The following WDFY3 variants were observed in gnomAD, a reference collection of about 807,000 sequenced individuals.
WDFY3 encodes the protein WD repeat and FYVE domain containing 3, also known as WD repeat and FYVE domain-containing protein 3.
Under a neutral mutation model 409.6 loss-of-function variants are expected in WDFY3, and 66 were observed. That is an observed-to-expected ratio of 0.16 (90% CI 0.13 to 0.20). The LOEUF (loss-of-function observed/expected upper bound fraction) is 0.20. WDFY3 is among the 10% of genes least tolerant of loss of function. The pLI, the probability that WDFY3 is intolerant of heterozygous loss-of-function variation, is 1.00. For missense variants in WDFY3, 3,031 were observed against 4,298.1 expected, an observed-to-expected ratio of 0.71 and a Z score of 8.24; for synonymous variants, 1,521 against 1,537.1, an observed-to-expected ratio of 0.99 and a Z score of 0.25.
chr4:84,822,817 C>G (rs982379355), intron 10 of WDFY3, among the ~76,000 whole-genome samples: 2 of 152,152 alleles, frequency 1.3e-5, no homozygotes, highest in African/African-American at 4.8e-5. Flanking sequence ...TATATGATTT[C>G]AATTCTCTAA....
At chr4:84,678,811 G>C (rs991211306) in intron 65 of WDFY3, 108 bp downstream of exon 65, 1 of 1,251,104 alleles carries the variant, frequency 8.0e-7, no homozygotes, top group Non-Finnish European at 1.1e-6. Flanking sequence ...CCAGCTCACG[G>C]GGCACATCCA....
At chr4:84,836,482 G>C (rs1297648944) in intron 7 of WDFY3, among the ~76,000 whole-genome samples, 3 of 152,070 alleles carry the variant, frequency 2.0e-5, no homozygotes, top group Non-Finnish European at 4.4e-5. Context: ...AGCCTTACAG[G>C]CAGGGCAGAG....
At chr4:84,763,785 A>C (rs1230670326) in intron 32 of WDFY3, among the ~76,000 whole-genome samples, 1 of 152,192 alleles carries the variant, frequency 6.6e-6, no homozygotes, top group Non-Finnish European at 1.5e-5. Flanking sequence ...ATATAGGAGC[A>C]GCATATGCAT....
chr4:84,678,897 T>G (rs1726825179), intron 65 of WDFY3, 22 bp downstream of exon 65: 1 of 1,594,906 alleles, frequency 6.3e-7, no homozygotes, highest in Non-Finnish European at 8.5e-7. Context: ...GAGTGAGAAA[T>G]AGATACCAGA....
At chr4:84,792,213 AAT>A (rs1354905838) in intron 21 of WDFY3, among the ~76,000 whole-genome samples, 5 of 152,248 alleles carry the variant, frequency 3.3e-5, no homozygotes, top group African/African-American at 9.6e-5. Context: ...GGCAATTCAG[AAT>A]ATATGTCTGT....
At chr4:84,961,600 G>T (rs1774926277) in intron 1 of WDFY3, among the ~76,000 whole-genome samples, 1 of 152,048 alleles carries the variant, frequency 6.6e-6, no homozygotes, top group Non-Finnish European at 1.5e-5. Flanking sequence ...TCAACAAACA[G>T]CCTTTAAAGG....
intron 3 of WDFY3, among the ~76,000 whole-genome samples, chr4:84,890,534 T>C (rs926623685): frequency 1.3e-5 from 2 of 152,342 alleles, no homozygotes; most frequent in Middle Eastern, 3.4e-3. Context: ...AGGCAGTGCA[T>C]GTCACATCTA....
At chr4:84,756,257 A>G (rs1469658411) in intron 33 of WDFY3, among the ~76,000 whole-genome samples, 1 of 152,152 alleles carries the variant, frequency 6.6e-6, no homozygotes, top group African/African-American at 2.4e-5. Context: ...ATGGTATATA[A>G]GCCACTCCTT....
intron 45 of WDFY3, among the ~76,000 whole-genome samples, chr4:84,726,643 C>T (rs1578264318): frequency 6.6e-6 from 1 of 151,826 alleles, no homozygotes; most frequent in South Asian, 2.1e-4. Context: ...CATATAAATC[C>T]TAAAAAGAGA....
At chr4:84,761,849 A>G (rs1272486385) in intron 32 of WDFY3, among the ~76,000 whole-genome samples, 2 of 152,232 alleles carry the variant, frequency 1.3e-5, no homozygotes, top group African/African-American at 4.8e-5. Context: ...GCAGCCAAAA[A>G]TCACATGAAA....
intron 2 of WDFY3, among the ~76,000 whole-genome samples, chr4:84,897,976 CAAATT>C (rs1475186283): frequency 6.6e-6 from 1 of 152,112 alleles, no homozygotes; most frequent in Non-Finnish European, 1.5e-5. Flanking sequence ...GTGAAATAAA[CAAATT>C]AAATTCCTAA....
At chr4:84,961,013 G>A (rs1397627832) in intron 1 of WDFY3, among the ~76,000 whole-genome samples, 1 of 151,986 alleles carries the variant, frequency 6.6e-6, no homozygotes, top group Admixed American at 6.6e-5. Context: ...TCAGGAATTC[G>A]AGACCAGCCT....
rs142615881 is a variant in WDFY3, at chr4:84,918,838, T to C, written c.-132+13432A>G. On this transcript the variant is annotated intron_variant, in intron 2 of 67. Coordinates refer to ENST00000295888, the MANE Select transcript of WDFY3 (RefSeq NM_014991.6). ...GTGTATATATATATAGATATATATA[T>C]ACACACACACACATATATATATATA... 3.5e-3 allele frequency among the ~76,000 whole-genome samples: 519 copies of C among 149,912 alleles called. 3 individuals are homozygous for C. Among genetic ancestry groups the C allele is most frequent in the African/African-American group, 8.1e-3 (328 of 40,564 alleles).
At chr4:84,832,951 T>C (rs1488663477) in intron 7 of WDFY3, among the ~76,000 whole-genome samples, 1 of 152,078 alleles carries the variant, frequency 6.6e-6, no homozygotes, top group African/African-American at 2.4e-5. Context: ...AAAGCAAAGA[T>C]ATTTTGAAAT....
intron 56 of WDFY3, among the ~76,000 whole-genome samples, chr4:84,700,024 TAACATTCTTGG>T (rs1730827038): frequency 6.6e-6 from 1 of 152,082 alleles, no homozygotes; most frequent in South Asian, 2.1e-4. Flanking sequence ...ATTTTCTTGG[TAACATTCTTGG>T]ATGCAGAAAC....
At chr4:84,783,324 T>C (rs1746902374) in intron 24 of WDFY3, among the ~76,000 whole-genome samples, 1 of 151,976 alleles carries the variant, frequency 6.6e-6, no homozygotes, top group Non-Finnish European at 1.5e-5. Context: ...GAGACCCCCA[T>C]CTCTACTAAA....
At chr4:84,941,777 C>G (rs916704849) in intron 1 of WDFY3, among the ~76,000 whole-genome samples, 1 of 151,966 alleles carries the variant, frequency 6.6e-6, no homozygotes, top group Admixed American at 6.6e-5. Flanking sequence ...TCAAGACTTA[C>G]TAAAAAGCTA....
intron 2 of WDFY3, among the ~76,000 whole-genome samples, chr4:84,925,191 A>G (rs1435721957): frequency 6.6e-6 from 1 of 152,156 alleles, no homozygotes; most frequent in Non-Finnish European, 1.5e-5. Flanking sequence ...ATTTCCTTTA[A>G]CCTCTTTCTT....
chr4:84,669,780 A>T lies in WDFY3; in HGVS notation c.*3088T>A, dbSNP rs1462359827. 6.6e-6 allele frequency: 1 copy of T among 150,816 alleles called. No homozygotes were observed. The highest frequency in any genetic ancestry group is 1.5e-5 in the Non-Finnish European group (1 of 67,690). 9.3% of individuals were successfully genotyped at this position (150,816 alleles called of 1,614,324 possible). ...TCTGCAATATAGTATAAAAGTCCAC[A>T]ATCAATCCAGTCTTAGCCAGTATCT... On this transcript the variant is annotated 3_prime_UTR_variant, in exon 68 of 68. Coordinates refer to ENST00000295888, the MANE Select transcript of WDFY3 (RefSeq NM_014991.6).
Sources: allele counts gnomAD v4.1 joint callset (sites outside exome capture counted in the v4.1 genomes callset), GRCh38; gene constraint gnomAD v4.1.1; transcripts MANE v1.5; gene names NCBI Gene and HGNC (gene_info 2026-07-23, HGNC 2026-07-21).